Variants in PCAT7 observed in about 807,000 individuals in gnomAD.
PCAT7 encodes prostate cancer associated transcript 7 (non-protein coding).
intron 2 of PCAT7, among the ~76,000 whole-genome samples, chr9:94,562,035 G>T (rs966084540): frequency 3.3e-5 from 5 of 152,118 alleles, no homozygotes; most frequent in Non-Finnish European, 5.9e-5. Flanking sequence ...GTCTTCGCCG[G>T]GCGCTGTGAC....
At chr9:94,554,603 G>C (rs1161253682), upstream of PCAT7, among the ~76,000 whole-genome samples, 4 of 146,680 alleles carry the variant, frequency 2.7e-5, no homozygotes, top group South Asian at 7.4e-4. Context: ...TGCGGTCTCT[G>C]ATTTCACCAC....
intron 2 of PCAT7, chr9:94,567,355 C>G (rs1419868341): frequency 8.1e-6 from 13 of 1,614,026 alleles, no homozygotes; most frequent in Non-Finnish European, 9.3e-6. Context: ...GTAAATCTTT[C>G]CTTTCTTCTT....
chr9:94,570,644 GA>G (rs1827258953), intron 2 of PCAT7: 1 of 152,216 alleles, frequency 6.6e-6, no homozygotes, highest in South Asian at 2.1e-4. Flanking sequence ...AACATAAAGG[GA>G]AATTGGGGCA....
chr9:94,563,570 A>G, intron 2 of PCAT7: 2 of 1,195,308 alleles, frequency 1.7e-6, no homozygotes, highest in South Asian at 1.4e-5. Context: ...TTGAATCCCT[A>G]TCCTCCACCC....
exon 2 of PCAT7, chr9:94,559,141 G>A (rs1409573435): frequency 1.2e-6 from 2 of 1,605,828 alleles, no homozygotes; most frequent in Non-Finnish European, 1.7e-6. Flanking sequence ...AGCTGTGGAG[G>A]AACAGAGGCA....
At chr9:94,556,129 G>GGT (rs1257819455) in intron 1 of PCAT7, among the ~76,000 whole-genome samples, 2 of 151,582 alleles carry the variant, frequency 1.3e-5, no homozygotes, top group East Asian at 3.9e-4. Context: ...AGACGATGAG[G>GGT]AAAACAGTTT....
At chr9:94,571,594 C>T (rs903100563) in intron 2 of PCAT7, 3 of 1,612,066 alleles carry the variant, frequency 1.9e-6, no homozygotes, top group African/African-American at 2.7e-5. Flanking sequence ...AAGGCTCATC[C>T]TCTGAGGTCT....
chr9:94,554,774 C>G (rs1455091197), upstream of PCAT7, among the ~76,000 whole-genome samples: 1 of 152,156 alleles, frequency 6.6e-6, no homozygotes, highest in Non-Finnish European at 1.5e-5. Flanking sequence ...GGAGGGAGTG[C>G]CCCAGGCTCC....
chr9:94,566,749 G>A (rs1028187370), intron 2 of PCAT7, among the ~76,000 whole-genome samples: 1 of 152,172 alleles, frequency 6.6e-6, no homozygotes, highest in Admixed American at 6.5e-5. Context: ...TAAATTCCCA[G>A]TATCTCAGTT....
At chr9:94,570,712 T>C (rs1393193479) in intron 2 of PCAT7, 1 of 152,200 alleles carries the variant, frequency 6.6e-6, no homozygotes, top group Non-Finnish European at 1.5e-5. Context: ...GTGAAAAGAT[T>C]CTATTTGAAA....
At chr9:94,567,119 T>A in intron 2 of PCAT7, 1 of 697,834 alleles carries the variant, frequency 1.4e-6, no homozygotes, top group South Asian at 2.0e-5. Context: ...TGAATGCTTA[T>A]GAAGAAAGGC....
chr9:94,556,302 T>TG (rs1827011908), intron 1 of PCAT7, among the ~76,000 whole-genome samples: 2 of 147,220 alleles, frequency 1.4e-5, no homozygotes, highest in Non-Finnish European at 3.0e-5. Flanking sequence ...GAAAATACGG[T>TG]GGGAAAAAAA....
intron 2 of PCAT7, chr9:94,559,225 G>T (rs1564177866): frequency 9.6e-6 from 11 of 1,144,974 alleles, no homozygotes. Flanking sequence ...TTGTACTGCG[G>T]TGCTTCCATC....
chr9:94,565,778 A>AGATAGAT (rs1564180687), intron 2 of PCAT7, among the ~76,000 whole-genome samples: 1 of 66,218 alleles, frequency 1.5e-5, no homozygotes, highest in Non-Finnish European at 3.3e-5. Flanking sequence ...GATGATAGAT[A>AGATAGAT]GATAGATAGA....
At chr9:94,558,998 C>A (rs1198946101) in exon 2 of PCAT7, 3 of 1,613,986 alleles carry the variant, frequency 1.9e-6, no homozygotes, top group Non-Finnish European at 2.5e-6. Context: ...CCTCTGGTGA[C>A]CCCAGAATGA....
chr9:94,554,809 G>T (rs1010168228), upstream of PCAT7, among the ~76,000 whole-genome samples: 1 of 151,844 alleles, frequency 6.6e-6, no homozygotes, highest in African/African-American at 2.4e-5. Context: ...AGGCTCCAGG[G>T]GGCGAAAAGT....
intron 1 of PCAT7, among the ~76,000 whole-genome samples, chr9:94,557,445 C>A (rs1220435869): frequency 1.3e-5 from 2 of 152,110 alleles, no homozygotes; most frequent in Non-Finnish European, 2.9e-5. Flanking sequence ...AATCTTTGTT[C>A]CTTTTTGAGA....
At chr9:94,559,612 G>A (rs935940854) in intron 2 of PCAT7, among the ~76,000 whole-genome samples, 2 of 152,100 alleles carry the variant, frequency 1.3e-5, no homozygotes, top group Non-Finnish European at 2.9e-5. Flanking sequence ...TTGTGTGGAG[G>A]AACTCCACAT....
At chr9:94,566,719 T>G (rs1223471408) in intron 2 of PCAT7, among the ~76,000 whole-genome samples, 1 of 152,152 alleles carries the variant, frequency 6.6e-6, no homozygotes, top group African/African-American at 2.4e-5. Flanking sequence ...CAAATAACAT[T>G]AAAAAGACTG....
Sources: gnomAD v4.1 joint callset for allele counts (sites outside exome capture counted in the v4.1 genomes callset) on GRCh38, gnomAD v4.1.1 for gene constraint, MANE v1.5 for transcripts, NCBI Gene and HGNC (gene_info 2026-07-23, HGNC 2026-07-21) for gene names.